PITPNM2: variants seen among roughly 807,000 people sequenced by gnomAD.
PITPNM2 encodes the protein membrane-associated phosphatidylinositol transfer protein 2.
A neutral mutation model predicts 132.2 loss-of-function variants in PITPNM2; 35 were observed. That is an observed-to-expected ratio of 0.26 (90% CI 0.20 to 0.35). The LOEUF (loss-of-function observed/expected upper bound fraction) is 0.35, where lower values mean the gene tolerates loss of function less well. Among genes scored for constraint, PITPNM2 ranks in the 10% least tolerant of loss-of-function variants. The pLI, the probability that PITPNM2 is intolerant of heterozygous loss-of-function variation, is 1.00. For missense variants in PITPNM2, 1,332 were observed against 1,912.0 expected, an observed-to-expected ratio of 0.70 and a Z score of 5.66; for synonymous variants, 738 against 799.2, an observed-to-expected ratio of 0.92 and a Z score of 1.29.
At chr12:123,128,096 C>T (rs2043185162) in intron 1 of PITPNM2, among the ~76,000 whole-genome samples, 1 of 151,636 alleles carries the variant, frequency 6.6e-6, no homozygotes. Flanking sequence ...TTCTGTGTTC[C>T]TCAAACATAC....
At chr12:123,018,293 C>CT (rs3085478) in intron 3 of PITPNM2, among the ~76,000 whole-genome samples, 4,207 of 126,234 alleles carry the variant, frequency 0.033, 324 homozygotes, top group African/African-American at 0.11. Context: ...TTTTTCTTTT[C>CT]TTTTTTTTTT....
At position 123,097,003 on chromosome 12, in the gene PITPNM2, A is replaced by G. The variant is rs2042427072; in HGVS notation, c.-96+13382T>C. 6.6e-6 allele frequency among the ~76,000 whole-genome samples: 1 copy of G among 152,088 alleles called. No individual in the cohort carries two copies. Among genetic ancestry groups the G allele is most frequent in the African/African-American group, 2.4e-5 (1 of 41,420 alleles). ...CTCCCCAGAGTGGGGCCACCCTGCC[A>G]TCTCTCTTTATTTTTATTATTATTT... On this transcript the variant is annotated intron_variant, in intron 2 of 25. Coordinates refer to ENST00000320201, the MANE Select transcript of PITPNM2 (RefSeq NM_020845.3). The surrounding 1 kb of genome is among the most constrained non-coding windows in gnomAD (Gnocchi z 4.7).
intron 1 of PITPNM2, among the ~76,000 whole-genome samples, chr12:123,140,169 C>CG (rs974720473): frequency 3.3e-5 from 5 of 152,288 alleles, no homozygotes; most frequent in African/African-American, 9.6e-5. Context: ...CTTAGGCCCC[C>CG]GGGGAACGCA....
chr12:123,048,826 T>C (rs2040760986), intron 2 of PITPNM2, among the ~76,000 whole-genome samples: 1 of 152,146 alleles, frequency 6.6e-6, no homozygotes, highest in East Asian at 1.9e-4. Flanking sequence ...GTCACAGAAC[T>C]GTATGCTTAA....
intron 2 of PITPNM2, among the ~76,000 whole-genome samples, chr12:123,055,400 G>A (rs73230049): frequency 8.5e-5 from 13 of 152,302 alleles, no homozygotes; most frequent in Non-Finnish European, 1.6e-4. Flanking sequence ...GGCCCAGCAC[G>A]TGGGGCCTGG....
chr12:123,028,173 C>T (rs537522857), intron 3 of PITPNM2, among the ~76,000 whole-genome samples: 2 of 152,338 alleles, frequency 1.3e-5, no homozygotes, highest in Admixed American at 6.5e-5. Flanking sequence ...GCCACTCCCT[C>T]GGCGGCACAC....
chr12:123,046,137 G>A (rs2040647313), intron 2 of PITPNM2, among the ~76,000 whole-genome samples: 2 of 152,248 alleles, frequency 1.3e-5, no homozygotes, highest in South Asian at 4.2e-4. Context: ...CATCCTTCAT[G>A]CATCCTGTGA....
At chr12:123,047,974 T>C (rs2040716540) in intron 2 of PITPNM2, among the ~76,000 whole-genome samples, 1 of 151,932 alleles carries the variant, frequency 6.6e-6, no homozygotes, top group African/African-American at 2.4e-5. Flanking sequence ...TGGTGCACAC[T>C]TGTAGTCCCA....
intron 3 of PITPNM2, among the ~76,000 whole-genome samples, chr12:123,028,848 G>C (rs1219205555): frequency 6.6e-6 from 1 of 152,190 alleles, no homozygotes; most frequent in Non-Finnish European, 1.5e-5. Context: ...AGAGGAAGCT[G>C]CCTGGAAGAG....
intron 3 of PITPNM2, among the ~76,000 whole-genome samples, chr12:123,014,315 C>T (rs1225646744): frequency 6.6e-6 from 1 of 152,218 alleles, no homozygotes; most frequent in Non-Finnish European, 1.5e-5. Context: ...AAAAGCGTTC[C>T]CAAGATCAGG....
intron 2 of PITPNM2, among the ~76,000 whole-genome samples, chr12:123,066,925 C>A (rs2041441210): frequency 6.6e-6 from 1 of 152,156 alleles, no homozygotes; most frequent in African/African-American, 2.4e-5. Context: ...GGCCACACTC[C>A]CCGGCCAGTG....
intron 8 of PITPNM2, among the ~76,000 whole-genome samples, chr12:123,003,787 C>T (rs1167452359): frequency 5.9e-5 from 9 of 152,214 alleles, no homozygotes; most frequent in African/African-American, 2.2e-4. Flanking sequence ...AGCCCCCAAC[C>T]CCTACACCTG....
intron 2 of PITPNM2, among the ~76,000 whole-genome samples, chr12:123,056,086 G>A (rs1271906059): frequency 6.6e-6 from 1 of 152,152 alleles, no homozygotes; most frequent in East Asian, 1.9e-4. Context: ...CCAGTCCCAA[G>A]CCCAGTTGGG....
At chr12:123,038,282 C>G (rs923184845) in intron 2 of PITPNM2, among the ~76,000 whole-genome samples, 2 of 152,136 alleles carry the variant, frequency 1.3e-5, no homozygotes, top group Non-Finnish European at 2.9e-5. Context: ...CAGTTAAATG[C>G]ACGGGTGACT....
At chr12:123,104,966 G>A (rs865861788) in intron 2 of PITPNM2, among the ~76,000 whole-genome samples, 5 of 152,082 alleles carry the variant, frequency 3.3e-5, no homozygotes, top group African/African-American at 9.7e-5. Context: ...CAGAGTCAGG[G>A]CCAAAGTCCT....
In PITPNM2 at chr12:122,986,659, A is replaced by T. The variant is rs1428250412; in HGVS notation, c.3584T>A (p.Leu1195Gln). Residue 1195 changes from leucine to glutamine, a missense_variant, in exon 24 of 26, where the codon CTG becomes CAG. Leu to Gln is a moderately radical substitution (Grantham distance 113). Coordinates refer to ENST00000320201, the MANE Select transcript of PITPNM2 (RefSeq NM_020845.3). ...PLRHKANFLK[L>Q]LISELHLRVH... ...CCCGGGCCCCACCTCGGAGATGAGCAGCTTCAGGAAGTTGGCCTTGTGCCG... is the reference window on the plus strand; with the variant it reads ...CCCGGGCCCCACCTCGGAGATGAGCTGCTTCAGGAAGTTGGCCTTGTGCCG... 1 of 1,612,610 alleles carries T rather than the reference A, an allele frequency of 6.2e-7. No individual in the cohort carries two copies. Among genetic ancestry groups the T allele is most frequent in the Non-Finnish European group, 8.5e-7 (1 of 1,179,532 alleles).
Position 123,108,871 on chromosome 12 carries a change from G to GCT in PITPNM2, c.-96+1513_-96+1514insAG, listed in dbSNP as rs1228611380. Among the ~76,000 whole-genome samples, 2 of 152,164 alleles carry GCT rather than the reference G, an allele frequency of 1.3e-5. No individual in the cohort carries two copies. The highest frequency in any genetic ancestry group is 2.4e-5 in the African/African-American group (1 of 41,442). ...GAAGGGACTTACCCGAGATCAGACA[G>GCT]CAAGTAACAGTTGAGCCTGGGCTGA... On this transcript the variant is annotated intron_variant, in intron 2 of 25. Coordinates refer to ENST00000320201, the MANE Select transcript of PITPNM2 (RefSeq NM_020845.3). This position sits in a 1 kb window ranked among gnomAD's most constrained non-coding sequence, Gnocchi z 4.4.
chr12:123,007,249 G>A (rs1353865629), intron 6 of PITPNM2, among the ~76,000 whole-genome samples: 1 of 152,130 alleles, frequency 6.6e-6, no homozygotes, highest in Non-Finnish European at 1.5e-5. Flanking sequence ...GGGGGCTTTG[G>A]CTCATCAAGC....
At chr12:123,051,503 T>C (rs2040855628) in intron 2 of PITPNM2, among the ~76,000 whole-genome samples, 1 of 152,276 alleles carries the variant, frequency 6.6e-6, no homozygotes, top group South Asian at 2.1e-4. Context: ...ATCTGCTTCA[T>C]CATTCTTTAG....
Sources: allele counts gnomAD v4.1 joint callset (sites outside exome capture counted in the v4.1 genomes callset), GRCh38; gene constraint gnomAD v4.1.1; non-coding constraint Gnocchi (gnomAD v3.1); transcripts MANE v1.5; gene names NCBI Gene and HGNC (gene_info 2026-07-23, HGNC 2026-07-21).